MALT1: variants seen among roughly 807,000 people sequenced by gnomAD.
MALT1 encodes mucosa-associated lymphoid tissue lymphoma translocation protein 1.
A neutral mutation model predicts 85.5 loss-of-function variants in MALT1; 36 were observed. That is an observed-to-expected ratio of 0.42 (90% confidence interval 0.32 to 0.56). MALT1 has a LOEUF of 0.56. MALT1 is among the 20% of genes least tolerant of loss of function. MALT1 has a pLI of 0.10. For missense variants in MALT1, 716 were observed against 981.6 expected, an observed-to-expected ratio of 0.73 and a Z score of 3.62; for synonymous variants, 359 against 361.3, an observed-to-expected ratio of 0.99 and a Z score of 0.07.
At chr18:58,729,506 GAA>G (rs11355331) in intron 10 of MALT1, among the ~76,000 whole-genome samples, 2 of 127,762 alleles carry the variant, frequency 1.6e-5, no homozygotes, top group Admixed American at 7.9e-5. Context: ...AAAAAAAAAA[GAA>G]AAAAAAAATT....
chr18:58,725,773 C>A (rs767473275), intron 10 of MALT1, among the ~76,000 whole-genome samples: 17 of 152,160 alleles, frequency 1.1e-4, no homozygotes, highest in Non-Finnish European at 2.2e-4. Context: ...AAAACCAAAT[C>A]CTGTGGCCAG....
intron 16 of MALT1, among the ~76,000 whole-genome samples, chr18:58,746,754 GTCTC>G (rs918184411): frequency 9.3e-5 from 14 of 150,706 alleles, no homozygotes; most frequent in East Asian, 1.9e-4. Flanking sequence ...TTGAGATGGT[GTCTC>G]TCTCTGTCGC....
chr18:58,686,667 C>T (rs796356218), intron 2 of MALT1, among the ~76,000 whole-genome samples: 12 of 152,328 alleles, frequency 7.9e-5, no homozygotes, highest in East Asian at 5.8e-4. Context: ...CCATTTGCCT[C>T]TACTCCTTTT....
In MALT1 at chr18:58,714,097, C is replaced by A; in HGVS notation, c.973C>A (p.Leu325Ile). Residue 325 changes from leucine to isoleucine, a missense_variant, in exon 8 of 17, where the codon CTT (leucine) becomes ATT (isoleucine). Transcript: ENST00000649217. ...CTTTGTTTTAGATGAATTAAATAATCTTGGTCATCCTGGTGAGTAATACAA... is the reference window on the plus strand; with the variant it reads ...CTTTGTTTTAGATGAATTAAATAATATTGGTCATCCTGGTGAGTAATACAA... The part of the protein sequence containing the change: ...VECTEDELNN[L>I]GHPDNKEQTT... The A allele has an allele frequency of 7.9e-7, 1 of 1,266,110 alleles. No individual in the cohort carries two copies. The highest frequency in any genetic ancestry group is 1.1e-6 in the Non-Finnish European group (1 of 886,188). The allele number at this position is 1,266,110 out of a possible 1,614,324, so 78.4% of individuals were successfully genotyped here. A position where few individuals can be genotyped will look rare whatever the true frequency, so the allele number is the denominator to read the frequency against.
Position 58,747,864 on chromosome 18 carries a change from G to A in MALT1, c.*22G>A. The A allele has an allele frequency of 1.9e-6, 3 of 1,595,560 alleles. No homozygotes were observed. Among genetic ancestry groups the A allele is most frequent in the Non-Finnish European group, 2.6e-6 (3 of 1,167,556 alleles). ...ATGACCTCCTTGTTTTTGAAAGTTA[G>A]CATAATTTTAGATGCCTGTGAAATA... On this transcript the variant is annotated 3_prime_UTR_variant, in exon 17 of 17. Coordinates refer to ENST00000649217, the MANE Select transcript of MALT1 (RefSeq NM_006785.4).
chr18:58,750,666 A>G lies in MALT1; in HGVS notation c.*2824A>G, dbSNP rs1011170995. ...CTTTTCAACAAACGGTGCTGGGACA[A>G]CTAACTGGTAGCTACGTGCACAGCA... On this transcript the variant is annotated 3_prime_UTR_variant, in exon 17 of 17. Transcript: ENST00000649217. 3.3e-5 allele frequency: 5 copies of G among 152,216 alleles called. No individual in the cohort carries two copies. Among genetic ancestry groups the G allele is most frequent in the Non-Finnish European group, 5.9e-5 (4 of 68,034 alleles). 9.4% of individuals were successfully genotyped at this position (152,216 alleles called of 1,614,324 possible). A position where few individuals can be genotyped will look rare whatever the true frequency, so the allele number is the denominator to read the frequency against.
At chr18:58,718,829 G>A (rs1199541794) in intron 9 of MALT1, among the ~76,000 whole-genome samples, 1 of 152,160 alleles carries the variant, frequency 6.6e-6, no homozygotes, top group Non-Finnish European at 1.5e-5. Context: ...GTTAGAGAGG[G>A]CTTTACCTAA....
chr18:58,735,100 G>T lies in MALT1; in HGVS notation c.1476-102G>T, dbSNP rs542163202. The T allele has an allele frequency of 1.1e-5, 11 of 997,260 alleles. No individual in the cohort carries two copies. The South Asian group carries it at 1.6e-4, about 14-fold the overall frequency. 61.8% of individuals were successfully genotyped at this position (997,260 alleles called of 1,614,324 possible). The stretch of plus-strand genomic sequence containing the variant: ...AGCCTCTGGTAACCACCATTCTGCT[G>T]GGTGCTTCTCTGAGTTCATTTTTAT... On this transcript the variant is annotated intron_variant, in intron 12 of 16. Coordinates refer to ENST00000649217, the MANE Select transcript of MALT1 (RefSeq NM_006785.4).
At chr18:58,730,010 T>C (rs972336127) in intron 10 of MALT1, among the ~76,000 whole-genome samples, 1 of 152,178 alleles carries the variant, frequency 6.6e-6, no homozygotes, top group Non-Finnish European at 1.5e-5. Flanking sequence ...ATTCTGAACT[T>C]TGGAAATAAC....
chr18:58,723,486 ATTC>A (rs1157255783), intron 10 of MALT1, among the ~76,000 whole-genome samples: 2 of 152,026 alleles, frequency 1.3e-5, no homozygotes, highest in African/African-American at 2.4e-5. Flanking sequence ...TCTTACTAGA[ATTC>A]TTACCTGTCT....
intron 1 of MALT1, among the ~76,000 whole-genome samples, chr18:58,680,158 G>A (rs1408409647): frequency 6.6e-6 from 1 of 152,194 alleles, no homozygotes; most frequent in African/African-American, 2.4e-5. Context: ...GAGTTTCTTA[G>A]ATACCTTTTC....
At chr18:58,688,324 A>ACG (rs2054437726) in intron 2 of MALT1, among the ~76,000 whole-genome samples, 1 of 143,422 alleles carries the variant, frequency 7.0e-6, no homozygotes, top group African/African-American at 2.5e-5. Context: ...ACACACACAC[A>ACG]CACGCTTATT....
At chr18:58,680,893 G>A (rs1031402426) in intron 1 of MALT1, among the ~76,000 whole-genome samples, 61 of 136,418 alleles carry the variant, frequency 4.5e-4, no homozygotes, top group African/African-American at 1.4e-3. Context: ...ACTGCAGTCC[G>A]CAGTCCGGCC....
At chr18:58,737,874 C>CAAG (rs1568153556) in intron 13 of MALT1, among the ~76,000 whole-genome samples, 1 of 152,194 alleles carries the variant, frequency 6.6e-6, no homozygotes, top group East Asian at 1.9e-4. Context: ...TGAGCCACCA[C>CAAG]GCCCGGCCCA....
chr18:58,671,718 G>T lies in MALT1; in HGVS notation c.75G>T (p.Pro25=), dbSNP rs1403424764. 2 of 1,279,210 alleles carry T rather than the reference G, an allele frequency of 1.6e-6. No homozygotes were observed. The highest frequency in any genetic ancestry group is 2.5e-5 in the South Asian group (1 of 39,346). 79.2% of individuals were successfully genotyped at this position (1,279,210 alleles called of 1,614,324 possible). ...AAPTGPLLAP[P]AGATLNRLRE... ...CCACGGGGCCGCTGCTCGCCCCTCCGGCCGGCGCGACCCTCAACCGCCTGC... is the reference window on the plus strand; with the variant it reads ...CCACGGGGCCGCTGCTCGCCCCTCCTGCCGGCGCGACCCTCAACCGCCTGC... Residue 25 remains proline (P), a synonymous_variant, in exon 1 of 17, where the codon CCG becomes CCT. Transcript: ENST00000649217.
At chr18:58,717,156 A>C (rs1415876195) in intron 9 of MALT1, among the ~76,000 whole-genome samples, 1 of 152,170 alleles carries the variant, frequency 6.6e-6, no homozygotes, top group Admixed American at 6.5e-5. Context: ...TGGGGTCAGA[A>C]GATTGAGATC....
At chr18:58,674,042 A>G (rs1237606308) in intron 1 of MALT1, 1 of 152,172 alleles carries the variant, frequency 6.6e-6, no homozygotes, top group Admixed American at 6.5e-5. Context: ...GCAGATCTCC[A>G]GAGTATTACG....
chr18:58,745,802 T>C lies in MALT1; in HGVS notation c.2037+11T>C, dbSNP rs577736913. On this transcript the variant is annotated intron_variant, in intron 16 of 16. Coordinates refer to ENST00000649217, the MANE Select transcript of MALT1 (RefSeq NM_006785.4). ...CTGCAAAAATTAAAGGTTACTACCT[T>C]TTCTGTTTATAGCTACTAATGGAAA... The C allele has an allele frequency of 3.1e-6, 5 of 1,607,358 alleles. No homozygotes were observed. In the South Asian group the frequency reaches 3.4e-5, roughly 11 times the overall value.
intron 3 of MALT1, among the ~76,000 whole-genome samples, chr18:58,699,687 A>G (rs1384510566): frequency 6.6e-6 from 1 of 152,246 alleles, no homozygotes; most frequent in Non-Finnish European, 1.5e-5. Flanking sequence ...TTCAGATTTT[A>G]AATCATCAGA....
Sources: gnomAD v4.1 joint callset for allele counts (sites outside exome capture counted in the v4.1 genomes callset) on GRCh38, gnomAD v4.1.1 for gene constraint, MANE v1.5 for transcripts, NCBI Gene and HGNC (gene_info 2026-07-23, HGNC 2026-07-21) for gene names.